The following SBF2 variants were observed in gnomAD, a reference collection of about 807,000 sequenced individuals.
The protein encoded by SBF2 is SET binding factor 2.
In SBF2, 112 loss-of-function variants were observed where a neutral mutation model predicts 225.2. The ratio of observed to expected loss-of-function variants is 0.50; its 90% confidence interval spans 0.43 to 0.58. The LOEUF is 0.58. Ranked by LOEUF, SBF2 falls within the 20% of genes least tolerant of loss-of-function variation. The pLI is 0.00. For synonymous variants in SBF2, 763 were observed against 773.3 expected (o/e 0.99, Z 0.22); for missense variants, 1,996 against 2,206.2 (o/e 0.90, Z 1.91).
At chr11:10,294,289 C>A (rs539512668), upstream of SBF2, 2 of 362,986 alleles carry the variant, frequency 5.5e-6, no homozygotes, top group Non-Finnish European at 4.9e-6. Context: ...GCCCCAAGCC[C>A]GGGCGGCGAG....
At chr11:9,917,043 T>C (rs1863157104) in intron 16 of SBF2, among the ~76,000 whole-genome samples, 2 of 149,406 alleles carry the variant, frequency 1.3e-5, no homozygotes, top group Non-Finnish European at 3.0e-5. Context: ...ATTACACATG[T>C]GTTCTTTTTT....
At chr11:9,968,776 G>A (rs1480180305) in intron 13 of SBF2, among the ~76,000 whole-genome samples, 1 of 152,024 alleles carries the variant, frequency 6.6e-6, no homozygotes, top group African/African-American at 2.4e-5. Context: ...TCTTTACTTG[G>A]TTTCTAGGTC....
chr11:10,088,015 G>C (rs1951639020), intron 2 of SBF2, among the ~76,000 whole-genome samples: 1 of 151,336 alleles, frequency 6.6e-6, no homozygotes, highest in Admixed American at 6.6e-5. Context: ...CATTTCCTTT[G>C]CAAACTTTAA....
intron 1 of SBF2, among the ~76,000 whole-genome samples, chr11:10,254,546 T>G (rs1960681127): frequency 6.6e-6 from 1 of 151,076 alleles, no homozygotes; most frequent in South Asian, 2.1e-4. Context: ...TAAGTGTCTA[T>G]CAACAGATGA....
chr11:10,108,413 G>C (rs558992876), intron 2 of SBF2, among the ~76,000 whole-genome samples: 6 of 151,572 alleles, frequency 4.0e-5, no homozygotes, highest in Non-Finnish European at 8.8e-5. Flanking sequence ...TGTTAACTAT[G>C]AAGTGGTATT....
intron 2 of SBF2, among the ~76,000 whole-genome samples, chr11:10,182,269 C>T (rs1458536350): frequency 6.6e-6 from 1 of 152,100 alleles, no homozygotes; most frequent in Non-Finnish European, 1.5e-5. Context: ...TCCTTACGTA[C>T]CTTTGAAAGT....
intron 2 of SBF2, among the ~76,000 whole-genome samples, chr11:10,048,657 A>T (rs1949958803): frequency 6.6e-6 from 1 of 152,228 alleles, no homozygotes. Context: ...ATCAATGATA[A>T]AATATGAGCT....
At chr11:10,045,864 G>A (rs1203408586) in intron 2 of SBF2, among the ~76,000 whole-genome samples, 1 of 152,040 alleles carries the variant, frequency 6.6e-6, no homozygotes, top group Non-Finnish European at 1.5e-5. Flanking sequence ...GGATTGACTG[G>A]TGGATTCTTT....
chr11:10,238,378 C>A (rs1959164884), intron 1 of SBF2, among the ~76,000 whole-genome samples: 1 of 151,788 alleles, frequency 6.6e-6, no homozygotes, highest in African/African-American at 2.4e-5. Flanking sequence ...CCACTGCACT[C>A]CGGCCTGGGC....
chr11:9,848,004 A>C (rs1442179050), intron 22 of SBF2, among the ~76,000 whole-genome samples: 3 of 149,594 alleles, frequency 2.0e-5, no homozygotes, highest in Admixed American at 2.0e-4. Flanking sequence ...GATTTGCAGA[A>C]GGGAAAGGAA....
chr11:9,959,922 G>C (rs1474335819), intron 16 of SBF2: 1 of 332,328 alleles, frequency 3.0e-6, no homozygotes, highest in African/African-American at 2.2e-5. Context: ...TGCCTTTTAA[G>C]ATACTTAAAT....
intron 14 of SBF2, among the ~76,000 whole-genome samples, chr11:9,967,935 G>GTCTCTCTCTCTC (rs1469233412): frequency 8.7e-6 from 1 of 114,562 alleles, no homozygotes; most frequent in Non-Finnish European, 1.8e-5. Flanking sequence ...CTGTCTGTCT[G>GTCTCTCTCTCTC]TCTGTCTGTC....
intron 16 of SBF2, among the ~76,000 whole-genome samples, chr11:9,925,283 G>GAT (rs369454799): frequency 3.3e-3 from 494 of 149,372 alleles, no homozygotes; most frequent in African/African-American, 7.7e-3. Context: ...AGTCACTAAT[G>GAT]ATATATATAT....
At chr11:9,882,893 T>G (rs568447081) in intron 17 of SBF2, among the ~76,000 whole-genome samples, 1 of 151,848 alleles carries the variant, frequency 6.6e-6, no homozygotes, top group South Asian at 2.1e-4. Flanking sequence ...ACTACAAACT[T>G]AATAAAATAT....
chr11:10,038,652 G>C (rs895383403), intron 3 of SBF2, among the ~76,000 whole-genome samples: 2 of 151,904 alleles, frequency 1.3e-5, no homozygotes, highest in Admixed American at 1.3e-4. Flanking sequence ...CACTGTGATG[G>C]AGAAACGTAT....
intron 16 of SBF2, among the ~76,000 whole-genome samples, chr11:9,956,002 TTTTA>T (rs1866142171): frequency 6.6e-6 from 1 of 152,136 alleles, no homozygotes; most frequent in South Asian, 2.1e-4. Context: ...CTTTTTTCCT[TTTTA>T]TTTTTCTGTA....
chr11:10,139,148 T>C (rs780031906), intron 2 of SBF2, among the ~76,000 whole-genome samples: 1 of 152,234 alleles, frequency 6.6e-6, no homozygotes, highest in Non-Finnish European at 1.5e-5. Context: ...GAGTGTGTAT[T>C]ATTTTTAGTT....
intron 16 of SBF2, among the ~76,000 whole-genome samples, chr11:9,948,432 T>C (rs966831629): frequency 6.6e-6 from 1 of 152,174 alleles, no homozygotes; most frequent in African/African-American, 2.4e-5. Context: ...GTTATATATA[T>C]TTAACCACAG....
At chr11:9,794,703 A>AAAAAAAAAAC in intron 33 of SBF2, among the ~76,000 whole-genome samples, 1 of 146,152 alleles carries the variant, frequency 6.8e-6, no homozygotes. Flanking sequence ...AAAAAAAAAA[A>AAAAAAAAAAC]AAAAGACCAG....
Sources: allele counts gnomAD v4.1 joint callset (sites outside exome capture counted in the v4.1 genomes callset), GRCh38; gene constraint gnomAD v4.1.1; transcripts MANE v1.5; gene names NCBI Gene and HGNC (gene_info 2026-07-23, HGNC 2026-07-21).